The following DGKB variants were observed in gnomAD, a reference collection of about 807,000 sequenced individuals.
DGKB encodes the protein diacylglycerol kinase beta.
DGKB carries 67 observed loss-of-function variants against 114.3 expected under a neutral mutation model. The ratio of observed to expected loss-of-function variants is 0.59; its 90% CI spans 0.48 to 0.72. The LOEUF (loss-of-function observed/expected upper bound fraction) is 0.72, where lower values mean the gene tolerates loss of function less well. DGKB is among the 30% of genes least tolerant of loss of function. DGKB has a pLI of 0.00. For missense variants in DGKB, 907 were observed against 975.2 expected (o/e 0.93, Z 0.93); for synonymous variants, 398 against 323.1 (o/e 1.23, Z -2.49).
At chr7:14,170,145 AAAAGAAAG>A (rs58897814) in intron 25 of DGKB, among the ~76,000 whole-genome samples, 11,937 of 99,864 alleles carry the variant, frequency 0.12, 1,062 homozygotes, top group African/African-American at 0.13. Flanking sequence ...AAAAAAAAAA[AAAAGAAAG>A]AAAGAAAGAA....
chr7:14,835,052 T>C (rs1379098034), intron 2 of DGKB, among the ~76,000 whole-genome samples: 2 of 152,016 alleles, frequency 1.3e-5, no homozygotes, highest in Non-Finnish European at 2.9e-5. Context: ...AAAGAATATA[T>C]GAAGCCAACA....
At chr7:14,654,196 T>C (rs1385329415) in intron 13 of DGKB, among the ~76,000 whole-genome samples, 5 of 151,904 alleles carry the variant, frequency 3.3e-5, no homozygotes, top group Non-Finnish European at 5.9e-5. Flanking sequence ...TTGCAGGATA[T>C]AAAAATTAAC....
Position 14,747,042 on chromosome 7 carries a change from T to C in DGKB, c.168+6886A>G, listed in dbSNP as rs183324274. Among the ~76,000 whole-genome samples, 483 of 152,312 alleles carry C rather than the reference T, an allele frequency of 3.2e-3. 1 individual carries two copies. The highest frequency in any genetic ancestry group is 5.2e-3 in the Non-Finnish European group (355 of 68,032). On this transcript the variant is annotated intron_variant, in intron 4 of 25. Transcript: ENST00000402815. ...CAATTCTTAAATTATTTCTACAAGA[T>C]GACATCACATTATTTATTGCTGAAG...
intron 2 of DGKB, among the ~76,000 whole-genome samples, chr7:14,823,781 T>A (rs918501656): frequency 2.0e-5 from 3 of 152,166 alleles, no homozygotes; most frequent in Non-Finnish European, 4.4e-5. Flanking sequence ...TAAAAGGAAT[T>A]CATATAGCTT....
intron 22 of DGKB, 21 bp downstream of exon 22, chr7:14,345,280 G>T: frequency 1.4e-6 from 2 of 1,386,886 alleles, no homozygotes; most frequent in South Asian, 1.3e-5. Context: ...TATTACAAAA[G>T]AGAATTCATT....
At chr7:14,970,913 A>G (rs183159052) in intron 1 of DGKB, among the ~76,000 whole-genome samples, 167 of 152,310 alleles carry the variant, frequency 1.1e-3, no homozygotes, top group African/African-American at 3.9e-3. Flanking sequence ...TACCAGGGAA[A>G]TAAGGTCAGG....
rs1300469723 is a variant in DGKB, at chr7:14,878,308, T to C, written c.-188+24284A>G. On this transcript the variant is annotated intron_variant, in intron 1 of 25. Coordinates refer to ENST00000402815, the MANE Select transcript of DGKB (RefSeq NM_001350709.2). ...TTACTGACGGCTTTATCTTTCTCTT[T>C]TGCAATTGTTCTAATGTCTCTGCAT... 1.3e-5 allele frequency among the ~76,000 whole-genome samples: 2 copies of C among 152,250 alleles called. 1 individual carries two copies. The highest frequency in any genetic ancestry group is 1.3e-4 in the Admixed American group (2 of 15,284).
chr7:14,404,440 C>T (rs1477214047), intron 21 of DGKB, among the ~76,000 whole-genome samples: 5 of 151,824 alleles, frequency 3.3e-5, no homozygotes, highest in Non-Finnish European at 5.9e-5. Flanking sequence ...TCTCATTGTC[C>T]ATTCTACCCA....
intron 21 of DGKB, among the ~76,000 whole-genome samples, chr7:14,460,604 GC>G (rs771570612): frequency 4.0e-5 from 6 of 151,806 alleles, no homozygotes; most frequent in Non-Finnish European, 7.4e-5. Context: ...GATTCATAAA[GC>G]AAGCTCTTAG....
chr7:14,171,312 T>G (rs1285607637), intron 25 of DGKB, among the ~76,000 whole-genome samples: 1 of 152,202 alleles, frequency 6.6e-6, no homozygotes, highest in Non-Finnish European at 1.5e-5. Context: ...GTATAATCTG[T>G]TCATGATTTC....
intron 23 of DGKB, among the ~76,000 whole-genome samples, chr7:14,296,760 G>GT (rs56367420): frequency 0.039 from 3,968 of 100,718 alleles, 259 homozygotes; most frequent in African/African-American, 0.14. Context: ...TCCAGGGACT[G>GT]TTTTTTTTTT....
At chr7:14,171,065 G>A (rs921814917) in intron 25 of DGKB, among the ~76,000 whole-genome samples, 1 of 152,164 alleles carries the variant, frequency 6.6e-6, no homozygotes, top group African/African-American at 2.4e-5. Context: ...AAGACTAGCA[G>A]GCTTGGTGGG....
chr7:14,512,416 T>C (rs183024464), intron 20 of DGKB, among the ~76,000 whole-genome samples: 1 of 152,202 alleles, frequency 6.6e-6, no homozygotes, highest in Non-Finnish European at 1.5e-5. Context: ...GAACTATGTT[T>C]TTCTTGTAGT....
At chr7:14,371,374 G>T (rs973847697) in intron 21 of DGKB, among the ~76,000 whole-genome samples, 1 of 152,228 alleles carries the variant, frequency 6.6e-6, no homozygotes, top group Non-Finnish European at 1.5e-5. Context: ...TCTGATTGGT[G>T]TGAAATAGTA....
chr7:14,747,773 G>GCGCA (rs1554636400), intron 4 of DGKB, among the ~76,000 whole-genome samples: 2 of 103,904 alleles, frequency 1.9e-5, no homozygotes, highest in Non-Finnish European at 3.4e-5. Flanking sequence ...ACACATCCAC[G>GCGCA]CGCACGCACA....
chr7:14,480,973 T>A (rs542622747), intron 20 of DGKB, among the ~76,000 whole-genome samples: 2 of 152,022 alleles, frequency 1.3e-5, no homozygotes, highest in Non-Finnish European at 2.9e-5. Flanking sequence ...AGACTTACAT[T>A]GCTTTTTATT....
chr7:14,328,833 C>A (rs1346016145), intron 23 of DGKB, among the ~76,000 whole-genome samples: 4 of 151,856 alleles, frequency 2.6e-5, no homozygotes, highest in Non-Finnish European at 5.9e-5. Context: ...ATATTCAGAC[C>A]TCAATACTTA....
At chr7:14,193,925 G>A (rs1213477884) in intron 23 of DGKB, among the ~76,000 whole-genome samples, 1 of 151,922 alleles carries the variant, frequency 6.6e-6, no homozygotes, top group Non-Finnish European at 1.5e-5. Flanking sequence ...CATACAAATG[G>A]CCATTAGTTA....
At chr7:14,518,846 A>G (rs186160864) in intron 20 of DGKB, among the ~76,000 whole-genome samples, 51 of 152,102 alleles carry the variant, frequency 3.4e-4, no homozygotes, top group African/African-American at 1.2e-3. Context: ...AATCACCCAG[A>G]GCTTGTTAAA....
Sources: gnomAD v4.1 joint callset for allele counts (sites outside exome capture counted in the v4.1 genomes callset) on GRCh38, gnomAD v4.1.1 for gene constraint, MANE v1.5 for transcripts, NCBI Gene and HGNC (gene_info 2026-07-23, HGNC 2026-07-21) for gene names.